SYCP2: variants seen among roughly 807,000 people sequenced by gnomAD.
The protein encoded by SYCP2 is synaptonemal complex lateral element protein.
Under a neutral mutation model 211.3 loss-of-function variants are expected in SYCP2, and 55 were observed. The observed-to-expected ratio is 0.26, with a 90% confidence interval of 0.21 to 0.33. The LOEUF (loss-of-function observed/expected upper bound fraction) is 0.33. Among genes scored for constraint, SYCP2 ranks in the 10% least tolerant of loss-of-function variants. SYCP2 has a pLI of 1.00. For missense variants in SYCP2, 1,731 were observed against 1,752.0 expected (o/e 0.99, Z 0.21); for synonymous variants, 570 against 555.2 (o/e 1.03, Z -0.37).
In SYCP2 at chr20:59,875,440, C is replaced by T. The variant is rs751528651; in HGVS notation, c.3180G>A (p.Thr1060=). The T allele has an allele frequency of 2.7e-5, 44 of 1,611,184 alleles. No individual in the cohort carries two copies. Among genetic ancestry groups the T allele is most frequent in the East Asian group, 6.7e-5 (3 of 44,652 alleles). The change falls in exon 34 of 45, where the codon ACG becomes ACA. Residue 1060 remains threonine, a synonymous_variant. Transcript: ENST00000357552. Reference sequence around the variant, plus strand: ...TCTGTTGTTTCTTTGGTAGCTTTACCGTTTTCATTCTGGAATGGATATTCT... The same window carrying T: ...TCTGTTGTTTCTTTGGTAGCTTTACTGTTTTCATTCTGGAATGGATATTCT... ...KEENIHSRMK[T]VKLPKKQQKV...
chr20:59,866,488 T>C lies in SYCP2; in HGVS notation c.4220+7A>G. On this transcript the variant is annotated splice_region_variant and intron_variant, in intron 40 of 44. Transcript: ENST00000357552. ...AAAAGTTTTCAGAACAGATTTTTAT[T>C]ACAGACCTAGAGTCCTGACTTTGAT... is the stretch of plus-strand genomic sequence containing the variant. 1 of 1,603,554 alleles carries C rather than the reference T, an allele frequency of 6.2e-7. No individual in the cohort carries two copies. Among genetic ancestry groups the C allele is most frequent in the South Asian group, 1.1e-5 (1 of 89,012 alleles).
At chr20:59,899,473 G>A (rs954196555) in intron 18 of SYCP2, among the ~76,000 whole-genome samples, 1 of 151,826 alleles carries the variant, frequency 6.6e-6, no homozygotes, top group Non-Finnish European at 1.5e-5. Flanking sequence ...TGAACATGAA[G>A]GAAGCTCTCT....
chr20:59,927,914 G>C (rs764809815), intron 2 of SYCP2, among the ~76,000 whole-genome samples: 2 of 152,112 alleles, frequency 1.3e-5, no homozygotes, highest in Non-Finnish European at 2.9e-5. Flanking sequence ...TCAGTATTTT[G>C]TTCTGTCCTT....
At chr20:59,917,146 A>G (rs1273157391) in intron 7 of SYCP2, among the ~76,000 whole-genome samples, 1 of 151,656 alleles carries the variant, frequency 6.6e-6, no homozygotes, top group Non-Finnish European at 1.5e-5. Flanking sequence ...TTTTTTTTAG[A>G]TTAAGTAAAT....
At chr20:59,896,070 TA>T (rs1405183467) in intron 19 of SYCP2, among the ~76,000 whole-genome samples, 1 of 151,694 alleles carries the variant, frequency 6.6e-6, no homozygotes, top group Non-Finnish European at 1.5e-5. Context: ...GTGCCACTTA[TA>T]GAAAAAAAAA....
chr20:59,919,241 A>G (rs896231563), intron 6 of SYCP2, 59 bp from the exon 7 acceptor site: 10 of 897,914 alleles, frequency 1.1e-5, no homozygotes, highest in African/African-American at 5.2e-5. Flanking sequence ...AACCATTACA[A>G]TATTATAAAC....
Position 59,892,577 on chromosome 20 carries a change from A to G in SYCP2, c.1918T>C (p.Leu640=), listed in dbSNP as rs777032008. The change falls in exon 23 of 45, where the codon TTG becomes CTG. Residue 640 remains leucine, a synonymous_variant. Coordinates refer to ENST00000357552, the MANE Select transcript of SYCP2 (RefSeq NM_014258.4). ...QRASTSSGDT[L]NQDIVINKKL... ...TAAAACTAAGTTTCACCTTGATTCA[A>G]TGTGTCTCCTGACGAAGTACTTGCT... is the stretch of plus-strand genomic sequence containing the variant. The G allele has an allele frequency of 6.2e-7, 1 of 1,604,470 alleles. No individual in the cohort carries two copies. The highest frequency in any genetic ancestry group is 8.5e-7 in the Non-Finnish European group (1 of 1,176,604).
At chr20:59,899,942 C>G (rs1252530048) in intron 18 of SYCP2, 196 bp downstream of exon 18, 1 of 602,854 alleles carries the variant, frequency 1.7e-6, no homozygotes, top group African/African-American at 1.9e-5. Flanking sequence ...TTGTTCTAAC[C>G]CCTATACATG....
At chr20:59,902,086 C>G (rs915539383) in intron 15 of SYCP2, among the ~76,000 whole-genome samples, 1 of 152,010 alleles carries the variant, frequency 6.6e-6, no homozygotes, top group Non-Finnish European at 1.5e-5. Context: ...CTAACAAATT[C>G]TTAATAAAAT....
chr20:59,893,933 C>T (rs2059958099), intron 20 of SYCP2, among the ~76,000 whole-genome samples: 2 of 152,022 alleles, frequency 1.3e-5, no homozygotes, highest in Non-Finnish European at 2.9e-5. Context: ...CCTGCTTTAT[C>T]TATTTTGATA....
intron 14 of SYCP2, among the ~76,000 whole-genome samples, chr20:59,908,510 TA>T (rs897738828): frequency 6.6e-6 from 1 of 152,128 alleles, no homozygotes; most frequent in Non-Finnish European, 1.5e-5. Flanking sequence ...TTTCTGTGTG[TA>T]AAAAACTTGC....
chr20:59,909,422 T>A (rs528040735), intron 14 of SYCP2, among the ~76,000 whole-genome samples: 1 of 152,322 alleles, frequency 6.6e-6, no homozygotes. Context: ...CTCAAAACCA[T>A]CCCACAATTA....
In SYCP2 at chr20:59,867,697, A is replaced by G; in HGVS notation, c.4125+14T>C. Reference sequence around the variant, plus strand: ...TATTATTGGGTATAAATCATAATTTAAAGAATAACTCACATTATTCCTTCT... The same window carrying G: ...TATTATTGGGTATAAATCATAATTTGAAGAATAACTCACATTATTCCTTCT... On this transcript the variant is annotated intron_variant, in intron 39 of 44. Transcript: ENST00000357552. 6.3e-7 allele frequency: 1 copy of G among 1,596,712 alleles called. No homozygotes were observed. Among genetic ancestry groups the G allele is most frequent in the Non-Finnish European group, 8.6e-7 (1 of 1,166,614 alleles).
rs1291533060 is a variant in SYCP2, at chr20:59,869,898, C to T, written c.3641G>A (p.Ser1214Asn). ...SLVLTQETQN[S>N]NSYSDVSSYS... Reference sequence around the variant, plus strand: ...ACTGCTTACATCTGAATAGCTGTTACTGTTTTGTGTTTCTTGTGTAAGTAC... The same window carrying T: ...ACTGCTTACATCTGAATAGCTGTTATTGTTTTGTGTTTCTTGTGTAAGTAC... Residue 1214 changes from serine to asparagine, a missense_variant, in exon 36 of 45, where the codon AGT becomes AAT. Around this residue, in one of 3 missense-constraint regions of SYCP2, gnomAD observed 1,387 missense variants for 1,351.3 expected, o/e 1.03. Coordinates refer to ENST00000357552, the MANE Select transcript of SYCP2 (RefSeq NM_014258.4). 7 of 1,603,888 alleles carry T rather than the reference C, an allele frequency of 4.4e-6. No individual in the cohort carries two copies. Among genetic ancestry groups the T allele is most frequent in the Non-Finnish European group, 4.3e-6 (5 of 1,172,224 alleles).
chr20:59,932,708 G>A (rs920391431), intron 1 of SYCP2, among the ~76,000 whole-genome samples: 8 of 152,116 alleles, frequency 5.3e-5, no homozygotes, highest in African/African-American at 1.2e-4. Flanking sequence ...CCACGCTGCC[G>A]TATTCGCAGA....
At chr20:59,922,490 T>C in intron 2 of SYCP2, 31 bp from the exon 3 acceptor site, 10 of 1,102,256 alleles carry the variant, frequency 9.1e-6, no homozygotes, top group Non-Finnish European at 1.3e-5. Context: ...TTTCTGTATC[T>C]CACAATCTGT....
Position 59,868,557 on chromosome 20 carries a change from G to A in SYCP2, c.3844C>T (p.His1282Tyr), listed in dbSNP as rs2059393558. The stretch of plus-strand genomic sequence containing the variant: ...ATATATATTCTTTTGCGACTAAGAT[G>A]TTGGGTGGGGCCTTAGGAACAGTTA... ...DATHVSGPTQ[H>Y]LSRKRIYIED... Residue 1282 changes from histidine (H) to tyrosine (Y), a missense_variant, in exon 38 of 45, where the codon CAT becomes TAT. By Grantham distance (83) the His-to-Tyr change is moderately conservative (BLOSUM62 2). Coordinates refer to ENST00000357552, the MANE Select transcript of SYCP2 (RefSeq NM_014258.4). The A allele has an allele frequency of 6.2e-7, 1 of 1,601,594 alleles. No homozygotes were observed. The highest frequency in any genetic ancestry group is 8.5e-7 in the Non-Finnish European group (1 of 1,176,324).
chr20:59,916,532 C>T lies in SYCP2; in HGVS notation c.467G>A (p.Cys156Tyr), dbSNP rs1022166641. The change falls in exon 8 of 45, where the codon TGT (cysteine) becomes TAT (tyrosine). Residue 156 changes from cysteine to tyrosine, a missense_variant. By Grantham distance (194) the Cys-to-Tyr change is radical. Coordinates refer to ENST00000357552, the MANE Select transcript of SYCP2 (RefSeq NM_014258.4). ...QVVESFVPRICSLVIDSRVNI... is the reference protein window; with the variant it reads ...QVVESFVPRIYSLVIDSRVNI... The stretch of plus-strand genomic sequence containing the variant: ...CACTCTTGAGTCAATAACCAGGGAA[C>T]AAATGCGAGGTACGAAACTTTCCAC... 6.2e-7 allele frequency: 1 copy of T among 1,611,590 alleles called. No individual in the cohort carries two copies.
rs1160024979 is a variant in SYCP2, at chr20:59,886,846, T to G, written c.2365-12A>C. The G allele has an allele frequency of 6.4e-7, 1 of 1,560,206 alleles. No individual in the cohort carries two copies. Among genetic ancestry groups the G allele is most frequent in the Non-Finnish European group, 8.6e-7 (1 of 1,161,460 alleles). On this transcript the variant is annotated splice_polypyrimidine_tract_variant and intron_variant, in intron 24 of 44. Transcript: ENST00000357552. ...TTTGACTTTTCTCTCTGAAAAAAAT[T>G]GTAAGTTACTTTTAAACTCTACCAG...
Sources: gnomAD v4.1 joint callset for allele counts (sites outside exome capture counted in the v4.1 genomes callset) on GRCh38, gnomAD v4.1.1 for gene constraint, gnomAD v4.1.1 regional missense constraint, MANE v1.5 for transcripts, NCBI Gene and HGNC (gene_info 2026-07-23, HGNC 2026-07-21) for gene names.